Variants in PACRGL observed in about 807,000 individuals in gnomAD.
PACRGL encodes the protein parkin coregulated like.
Under a neutral mutation model 34.5 loss-of-function variants are expected in PACRGL, and 38 were observed. The observed-to-expected ratio is 1.10, with a 90% CI of 0.85 to 1.44. PACRGL has a LOEUF of 1.44. Ranked by LOEUF, PACRGL falls within the 40% of genes most tolerant of loss-of-function variation. The pLI, the probability that PACRGL is intolerant of heterozygous loss-of-function variation, is 0.00. For missense variants in PACRGL, 305 were observed against 281.4 expected (o/e 1.08, Z -0.60); for synonymous variants, 128 against 100.1 (o/e 1.28, Z -1.66).
chr4:20,708,914 G>C (rs1006135229), intron 4 of PACRGL, among the ~76,000 whole-genome samples: 2 of 151,618 alleles, frequency 1.3e-5, no homozygotes, highest in African/African-American at 4.9e-5. Context: ...ATCACCTGAG[G>C]TCAGGAGTTC....
chr4:20,747,075 G>A (rs1292780967), intron 8 of PACRGL, among the ~76,000 whole-genome samples: 1 of 152,068 alleles, frequency 6.6e-6, no homozygotes, highest in Admixed American at 6.6e-5. Flanking sequence ...TTACCAACAT[G>A]CATATCATAT....
rs943586792 is a variant in PACRGL, at chr4:20,731,897, T to G, written c.*4556T>G. On this transcript the variant is annotated 3_prime_UTR_variant, in exon 9 of 9. Coordinates refer to ENST00000503585, the MANE Select transcript of PACRGL (RefSeq NM_001258345.3). The stretch of plus-strand genomic sequence containing the variant: ...GCTGCATGTTGTAGAAGTGGTAAAC[T>G]TAGGCATATGATCTCTATATTTCGC... 38 of 1,499,232 alleles carry G rather than the reference T, an allele frequency of 2.5e-5. No individual in the cohort carries two copies. Among genetic ancestry groups the G allele is most frequent in the Non-Finnish European group, 3.2e-5 (36 of 1,123,214 alleles). 92.9% of individuals were successfully genotyped at this position (1,499,232 alleles called of 1,614,324 possible).
chr4:20,704,908 T>TA (rs1733855010), intron 3 of PACRGL, 94 bp downstream of exon 3: 1 of 1,402,986 alleles, frequency 7.1e-7, no homozygotes, highest in Non-Finnish European at 9.9e-7. Context: ...TTTTGTCCCT[T>TA]TGCTAGTTTT....
At chr4:20,734,571 A>T, downstream of PACRGL, 1 of 829,760 alleles carries the variant, frequency 1.2e-6, no homozygotes, top group Non-Finnish European at 1.8e-6. Flanking sequence ...TTAATATTTT[A>T]AAGTTAAGAA....
intron 7 of PACRGL, among the ~76,000 whole-genome samples, chr4:20,719,964 G>A (rs553110998): frequency 1.3e-5 from 2 of 151,938 alleles, no homozygotes; most frequent in African/African-American, 2.4e-5. Flanking sequence ...TGTGGGAGTC[G>A]AAATCTCTTT....
At chr4:20,761,243 T>A in the PACRGL span, among the ~76,000 whole-genome samples, 1 of 152,178 alleles carries the variant, frequency 6.6e-6, no homozygotes, top group Non-Finnish European at 1.5e-5. Context: ...TCATTAGATA[T>A]CAAGCTGGCC....
chr4:20,760,828 C>A, the PACRGL span, among the ~76,000 whole-genome samples: 3 of 151,976 alleles, frequency 2.0e-5, no homozygotes, highest in Non-Finnish European at 4.4e-5. Context: ...AAGAAAAAAA[C>A]AACCAAAAAC....
At chr4:20,735,941 T>A (rs981740871), downstream of PACRGL, among the ~76,000 whole-genome samples, 1 of 152,220 alleles carries the variant, frequency 6.6e-6, no homozygotes, top group Admixed American at 6.5e-5. Flanking sequence ...TCCAAAAGTC[T>A]TCTGGGTGAA....
chr4:20,715,388 C>T (rs1739416157), intron 7 of PACRGL, among the ~76,000 whole-genome samples: 1 of 151,840 alleles, frequency 6.6e-6, no homozygotes, highest in Non-Finnish European at 1.5e-5. Flanking sequence ...CTAACCTGCA[C>T]ATTGTGCACA....
At chr4:20,723,521 T>C (rs1560363546) in intron 7 of PACRGL, among the ~76,000 whole-genome samples, 1 of 151,832 alleles carries the variant, frequency 6.6e-6, no homozygotes, top group Non-Finnish European at 1.5e-5. Flanking sequence ...GTCAAAGGGA[T>C]GTGATATGTA....
downstream of PACRGL, among the ~76,000 whole-genome samples, chr4:20,756,998 T>C (rs576370053): frequency 4.2e-4 from 64 of 152,262 alleles, 1 homozygote; most frequent in African/African-American, 1.4e-3. Context: ...TTTCTCTGAC[T>C]TGTCCTCTGA....
intron 8 of PACRGL, among the ~76,000 whole-genome samples, chr4:20,750,024 G>A (rs1418328614): frequency 6.6e-6 from 1 of 152,178 alleles, no homozygotes; most frequent in African/African-American, 2.4e-5. Flanking sequence ...TGGTCCCATA[G>A]GTGGATGTGA....
Position 20,731,705 on chromosome 4 carries a change from A to G in PACRGL, c.*4364A>G. 1.0e-6 allele frequency: 1 copy of G among 985,208 alleles called. No homozygotes were observed. Among genetic ancestry groups the G allele is most frequent in the Non-Finnish European group, 1.2e-6 (1 of 829,758 alleles). 61.0% of individuals were successfully genotyped at this position (985,208 alleles called of 1,614,324 possible). A position where few individuals can be genotyped will look rare whatever the true frequency, so the allele number is the denominator to read the frequency against. ...TAAGTTTTGGCAAAGAGCAATTCAA[A>G]TCTCATGTATGTTTTATCCTCCATG... On this transcript the variant is annotated 3_prime_UTR_variant, in exon 9 of 9. Transcript: ENST00000503585.
downstream of PACRGL, among the ~76,000 whole-genome samples, chr4:20,757,310 A>AT (rs1754562185): frequency 6.6e-6 from 1 of 152,166 alleles, no homozygotes; most frequent in African/African-American, 2.4e-5. Context: ...CTCCTACAGC[A>AT]GTAATCTTCT....
rs1166292840 is a variant in PACRGL, at chr4:20,732,091, T to A, written c.*4750T>A. 1 of 1,312,226 alleles carries A rather than the reference T, an allele frequency of 7.6e-7. No homozygotes were observed. The highest frequency in any genetic ancestry group is 1.5e-5 in the African/African-American group (1 of 66,536). 81.3% of individuals were successfully genotyped at this position (1,312,226 alleles called of 1,614,324 possible). On this transcript the variant is annotated 3_prime_UTR_variant, in exon 9 of 9. Coordinates refer to ENST00000503585, the MANE Select transcript of PACRGL (RefSeq NM_001258345.3). ...TTTCTGTTCAGGAAGAAAACAAAAA[T>A]TGTATTTAGACTTATCCCTTAATAC...
chr4:20,759,732 A>G, the PACRGL span, among the ~76,000 whole-genome samples: 3 of 152,202 alleles, frequency 2.0e-5, no homozygotes, highest in East Asian at 1.9e-4. Flanking sequence ...TTGTCCCCCA[A>G]TCTCTGGAAA....
chr4:20,756,737 T>G (rs915077619), downstream of PACRGL, among the ~76,000 whole-genome samples: 2 of 152,102 alleles, frequency 1.3e-5, no homozygotes, highest in Non-Finnish European at 2.9e-5. Context: ...CAAAGAGACC[T>G]TCTGATCCTT....
chr4:20,712,183 T>G lies in PACRGL; in HGVS notation c.367-605T>G, dbSNP rs183419339. On this transcript the variant is annotated intron_variant, in intron 5 of 8. Transcript: ENST00000503585. ...TTCCTGCTTTTTCCTTCCTTCCTAT[T>G]TTATTTTCTCTTTCTTCTTATATTT... Among the ~76,000 whole-genome samples the G allele has an allele frequency of 2.8e-3, 420 of 151,992 alleles. 3 individuals are homozygous for G. The highest frequency in any genetic ancestry group is 9.9e-3 in the African/African-American group (410 of 41,516).
intron 7 of PACRGL, chr4:20,719,044 C>T (rs981364392): frequency 6.6e-6 from 1 of 152,196 alleles, no homozygotes; most frequent in Non-Finnish European, 1.5e-5. Context: ...CACCTTCTTC[C>T]TGGTTTAGTC....
Sources: allele counts gnomAD v4.1 joint callset (sites outside exome capture counted in the v4.1 genomes callset), GRCh38; gene constraint gnomAD v4.1.1; transcripts MANE v1.5; gene names NCBI Gene and HGNC (gene_info 2026-07-23, HGNC 2026-07-21).